The following POLR3F variants were observed in gnomAD, a reference collection of about 807,000 sequenced individuals.
POLR3F encodes RNA polymerase III subunit F, also known as DNA-directed RNA polymerase III subunit RPC6.
Under a neutral mutation model 43.6 loss-of-function variants are expected in POLR3F, and 31 were observed. The ratio of observed to expected loss-of-function variants is 0.71; its 90% confidence interval spans 0.53 to 0.96. The LOEUF (loss-of-function observed/expected upper bound fraction) is 0.96. POLR3F is among the 40% of genes least tolerant of loss of function. The pLI is 0.00. For missense variants in POLR3F, 316 were observed against 391.7 expected (o/e 0.81, Z 1.63); for synonymous variants, 114 against 132.5 (o/e 0.86, Z 0.96).
chr20:18,473,496 C>T, intron 4 of POLR3F, 38 bp downstream of exon 4: 1 of 1,020,142 alleles, frequency 9.8e-7, no homozygotes, highest in Non-Finnish European at 1.6e-6. Flanking sequence ...AAAACATTGT[C>T]TTTGGAACTA....
At chr20:18,481,369 G>A (rs937493817) in intron 7 of POLR3F, among the ~76,000 whole-genome samples, 17 of 150,972 alleles carry the variant, frequency 1.1e-4, no homozygotes, top group Non-Finnish European at 1.6e-4. Flanking sequence ...AGCCTCCCGA[G>A]TAGGTGGGAT....
Position 18,472,856 on chromosome 20 carries a change from C to G in POLR3F, c.195C>G (p.Leu65=). The part of the protein sequence containing the change: ...NRLLSMGQLD[L]LRSNTGLLYR... ...TTAAAAACTAGGGTCAGTTGGATCT[C>G]TTAAGGAGCAATACGGGCCTTTTAT... Residue 65 remains leucine, a synonymous_variant, in exon 3 of 9, where the codon CTC becomes CTG. Coordinates refer to ENST00000377603, the MANE Select transcript of POLR3F (RefSeq NM_006466.4). 6.8e-7 allele frequency: 1 copy of G among 1,480,554 alleles called. No individual in the cohort carries two copies. Among genetic ancestry groups the G allele is most frequent in the South Asian group, 1.2e-5 (1 of 81,718 alleles). The allele number at this position is 1,480,554 out of a possible 1,614,324, so 91.7% of individuals were successfully genotyped here. A position where few individuals can be genotyped will look rare whatever the true frequency, so the allele number is the denominator to read the frequency against.
chr20:18,482,321 G>A (rs2148868558), intron 8 of POLR3F, among the ~76,000 whole-genome samples: 1 of 152,060 alleles, frequency 6.6e-6, no homozygotes, highest in East Asian at 1.9e-4. Flanking sequence ...ACCACATTAA[G>A]GATATTTACG....
chr20:18,484,329 G>A lies in POLR3F; in HGVS notation c.*771G>A, dbSNP rs948327731. 5 of 391,316 alleles carry A rather than the reference G, an allele frequency of 1.3e-5. No homozygotes were observed. The highest frequency in any genetic ancestry group is 1.0e-4 in the African/African-American group (5 of 48,440). The allele number at this position is 391,316 out of a possible 1,614,324, so 24.2% of individuals were successfully genotyped here. On this transcript the variant is annotated 3_prime_UTR_variant, in exon 9 of 9. Transcript: ENST00000377603. ...AATTTACCCTAGATTCTTATTTAAT[G>A]TCTGCAGTAGACTGAATGTTTGTGT...
chr20:18,481,817 TAA>T lies in POLR3F; in HGVS notation c.873+9_873+10del. ...ACCCTGTGGACTCTGCCCGGTGAGT[TAA>T]AGTGGCTTCACTTTACACTTGACTG... is the stretch of plus-strand genomic sequence containing the variant. On this transcript the variant is annotated splice_region_variant and intron_variant, in intron 8 of 8. Transcript: ENST00000377603. The T allele has an allele frequency of 6.3e-7, 1 of 1,597,980 alleles. No individual in the cohort carries two copies. The highest frequency in any genetic ancestry group is 2.2e-5 in the East Asian group (1 of 44,698).
intron 7 of POLR3F, 72 bp downstream of exon 7, chr20:18,480,581 T>C (rs2059804786): frequency 1.2e-6 from 1 of 831,590 alleles, no homozygotes; most frequent in African/African-American, 2.3e-5. Flanking sequence ...AAACATGTAT[T>C]TGACCCACAT....
chr20:18,470,787 T>G (rs1037380173), intron 2 of POLR3F: 1 of 152,802 alleles, frequency 6.5e-6, no homozygotes. Context: ...CAGGCAGTAG[T>G]AGAGCTATCA....
chr20:18,472,948 T>C, intron 3 of POLR3F, 39 bp downstream of exon 3: 1 of 955,928 alleles, frequency 1.0e-6, no homozygotes, highest in South Asian at 1.4e-5. Context: ...AAATGTTTAT[T>C]ATTTGCAAAC....
intron 5 of POLR3F, among the ~76,000 whole-genome samples, chr20:18,477,338 T>C (rs992906644): frequency 4.6e-5 from 7 of 152,172 alleles, no homozygotes. Flanking sequence ...TGAACACTCA[T>C]ACATTGCTAA....
chr20:18,475,223 T>C (rs1410434893), intron 5 of POLR3F, 36 bp downstream of exon 5: 3 of 783,238 alleles, frequency 3.8e-6, no homozygotes, highest in African/African-American at 3.5e-5. Context: ...CACTTACATA[T>C]GTTGCTTCAA....
intron 7 of POLR3F, among the ~76,000 whole-genome samples, chr20:18,481,025 C>T (rs1388501483): frequency 6.6e-6 from 1 of 152,074 alleles, no homozygotes; most frequent in African/African-American, 2.4e-5. Context: ...CAATAAATTC[C>T]TGCTAAAGAA....
Position 18,479,638 on chromosome 20 carries a change from A to C in POLR3F, c.430-400A>C, listed in dbSNP as rs1360330671. 3.3e-5 allele frequency among the ~76,000 whole-genome samples: 5 copies of C among 152,362 alleles called. No homozygotes were observed. The East Asian group carries it at 9.6e-4, about 29-fold the overall frequency. ...AATAACAATGAAGTATCTGAATGTAAATCAAAGTATAAAATAAATACTCAT... is the reference window on the plus strand; with the variant it reads ...AATAACAATGAAGTATCTGAATGTACATCAAAGTATAAAATAAATACTCAT... On this transcript the variant is annotated intron_variant, in intron 5 of 8. Coordinates refer to ENST00000377603, the MANE Select transcript of POLR3F (RefSeq NM_006466.4).
At chr20:18,479,925 T>C in intron 5 of POLR3F, 113 bp from the exon 6 acceptor site, 1 of 700,884 alleles carries the variant, frequency 1.4e-6, no homozygotes, top group Non-Finnish European at 2.4e-6. Flanking sequence ...AGGAGCTCTG[T>C]GTACTATCTT....
chr20:18,471,748 C>T (rs1473300039), intron 2 of POLR3F, among the ~76,000 whole-genome samples: 2 of 152,164 alleles, frequency 1.3e-5, no homozygotes, highest in African/African-American at 2.4e-5. Flanking sequence ...TTTGGGAGGC[C>T]GAGGTAGGCG....
chr20:18,483,063 TCCCGCTCCC>T (rs1446874701), intron 8 of POLR3F, among the ~76,000 whole-genome samples: 2 of 152,072 alleles, frequency 1.3e-5, no homozygotes, highest in Non-Finnish European at 2.9e-5. Context: ...AGTATGTTCT[TCCCGCTCCC>T]CCCTCGCCCC....
chr20:18,472,289 C>T (rs897616059), intron 2 of POLR3F, among the ~76,000 whole-genome samples: 1 of 152,002 alleles, frequency 6.6e-6, no homozygotes, highest in Non-Finnish European at 1.5e-5. Context: ...TGCAGTGGTG[C>T]GATCTCAGCT....
intron 2 of POLR3F, 172 bp downstream of exon 2, chr20:18,469,233 A>G: frequency 1.7e-6 from 1 of 593,060 alleles, no homozygotes; most frequent in East Asian, 2.8e-5. Context: ...GAAAGAGGTT[A>G]GCATTTTGAA....
chr20:18,469,124 T>C, intron 2 of POLR3F, 63 bp downstream of exon 2: 1 of 805,568 alleles, frequency 1.2e-6, no homozygotes, highest in South Asian at 1.4e-5. Flanking sequence ...GTTTTTATTA[T>C]GTAGTTGTGA....
chr20:18,483,044 C>G (rs1213039167), intron 8 of POLR3F, among the ~76,000 whole-genome samples: 3 of 152,084 alleles, frequency 2.0e-5, no homozygotes, highest in African/African-American at 7.2e-5. Context: ...ACAAAGCAGG[C>G]CCTATTATAG....
Sources: gnomAD v4.1 joint callset for allele counts (sites outside exome capture counted in the v4.1 genomes callset) on GRCh38, gnomAD v4.1.1 for gene constraint, MANE v1.5 for transcripts, NCBI Gene and HGNC (gene_info 2026-07-23, HGNC 2026-07-21) for gene names.